NELL1: variants seen among roughly 807,000 people sequenced by gnomAD.
NELL1 encodes the protein neural EGFL like 1, also known as protein kinase C-binding protein NELL1.
Under a neutral mutation model 107.4 loss-of-function variants are expected in NELL1, and 76 were observed. The observed-to-expected ratio is 0.71, with a 90% CI of 0.59 to 0.86. The LOEUF (loss-of-function observed/expected upper bound fraction) is 0.86. NELL1 is among the 40% of genes least tolerant of loss of function. The pLI is 0.00. For synonymous variants in NELL1, 353 were observed against 341.2 expected (o/e 1.03, Z -0.38); for missense variants, 1,024 against 1,005.5 (o/e 1.02, Z -0.25).
intron 12 of NELL1, among the ~76,000 whole-genome samples, chr11:21,086,828 C>CTTTTTT (rs35537964): frequency 8.9e-5 from 10 of 112,948 alleles, no homozygotes; most frequent in African/African-American, 3.1e-4. Flanking sequence ...CTTAATGGAT[C>CTTTTTT]TTTTTTTTTT....
chr11:21,316,274 T>C (rs920043532), intron 14 of NELL1, among the ~76,000 whole-genome samples: 2 of 152,252 alleles, frequency 1.3e-5, no homozygotes, highest in East Asian at 3.9e-4. Flanking sequence ...TTATTTGACA[T>C]CACACCGTCA....
At chr11:21,291,162 C>T (rs1379888734) in intron 14 of NELL1, among the ~76,000 whole-genome samples, 1 of 152,100 alleles carries the variant, frequency 6.6e-6, no homozygotes, top group East Asian at 1.9e-4. Context: ...CCTGATGGAG[C>T]TGAAGAACAT....
chr11:21,475,442 A>G (rs1209596846), intron 15 of NELL1, among the ~76,000 whole-genome samples: 1 of 152,160 alleles, frequency 6.6e-6, no homozygotes, highest in African/African-American at 2.4e-5. Context: ...CACATAACTT[A>G]TAGTGCCCCC....
At position 21,575,043 on chromosome 11, in the gene NELL1, C is replaced by T. The variant is rs368471379; in HGVS notation, c.*21C>T. 4.2e-5 allele frequency: 67 copies of T among 1,594,680 alleles called. No individual in the cohort carries two copies. Among genetic ancestry groups the T allele is most frequent in the Admixed American group, 1.5e-4 (9 of 59,720 alleles). ...ATTGAAGTATTTACAGTGGACTCAA[C>T]GCAGAAGAATGGACGAAATGACCAT... On this transcript the variant is annotated 3_prime_UTR_variant, in exon 20 of 20. Coordinates refer to ENST00000357134, the MANE Select transcript of NELL1 (RefSeq NM_006157.5).
chr11:20,682,310 ATATTT>A (rs1385395671), intron 2 of NELL1, among the ~76,000 whole-genome samples: 1 of 152,070 alleles, frequency 6.6e-6, no homozygotes, highest in Non-Finnish European at 1.5e-5. Context: ...AAGTAATTAT[ATATTT>A]TATTTAACCC....
intron 11 of NELL1, among the ~76,000 whole-genome samples, chr11:20,947,969 G>A (rs1850998119): frequency 1.3e-5 from 2 of 151,988 alleles, no homozygotes; most frequent in Admixed American, 1.3e-4. Context: ...TAATTATTGG[G>A]CAGAAATGGT....
chr11:21,141,290 T>G (rs1855861265), intron 13 of NELL1, among the ~76,000 whole-genome samples: 1 of 152,238 alleles, frequency 6.6e-6, no homozygotes, highest in Non-Finnish European at 1.5e-5. Flanking sequence ...TTCAGTTAAT[T>G]GTTCCTTCAG....
intron 12 of NELL1, among the ~76,000 whole-genome samples, chr11:21,000,654 G>A (rs779067768): frequency 6.6e-6 from 1 of 152,172 alleles, no homozygotes; most frequent in Non-Finnish European, 1.5e-5. Context: ...ATTTGACCGG[G>A]ATTTATATAG....
intron 13 of NELL1, among the ~76,000 whole-genome samples, chr11:21,156,973 G>A (rs1321188969): frequency 1.3e-5 from 2 of 151,760 alleles, no homozygotes; most frequent in South Asian, 2.1e-4. Flanking sequence ...GTGGTGGCAG[G>A]CACCTGTAAT....
chr11:21,048,974 CTG>C (rs1422064216), intron 12 of NELL1, among the ~76,000 whole-genome samples: 3 of 152,064 alleles, frequency 2.0e-5, no homozygotes, highest in East Asian at 1.9e-4. Context: ...AGATCGATAT[CTG>C]TGAAAAAAAT....
chr11:20,898,051 C>A (rs1590393378), intron 5 of NELL1, among the ~76,000 whole-genome samples: 1 of 152,092 alleles, frequency 6.6e-6, no homozygotes, highest in East Asian at 1.9e-4. Context: ...ACCATTTGAC[C>A]CAGCCATCCC....
At chr11:21,189,522 A>G (rs565818064) in intron 13 of NELL1, among the ~76,000 whole-genome samples, 2 of 151,946 alleles carry the variant, frequency 1.3e-5, no homozygotes, top group Admixed American at 1.3e-4. Flanking sequence ...AAGGTTACCT[A>G]TACTTTAGAC....
chr11:20,747,224 T>C (rs930471747), intron 2 of NELL1, among the ~76,000 whole-genome samples: 5 of 152,240 alleles, frequency 3.3e-5, no homozygotes, highest in Non-Finnish European at 7.3e-5. Context: ...TATATCAATG[T>C]ATGGTTTTGC....
At chr11:21,241,687 G>A (rs147448633) in intron 14 of NELL1, among the ~76,000 whole-genome samples, 2 of 152,186 alleles carry the variant, frequency 1.3e-5, no homozygotes, top group Non-Finnish European at 2.9e-5. Flanking sequence ...CTGACCAGTA[G>A]AATGTGTGTG....
intron 3 of NELL1, among the ~76,000 whole-genome samples, chr11:20,833,382 A>G (rs1011977682): frequency 3.3e-5 from 5 of 152,200 alleles, no homozygotes; most frequent in African/African-American, 1.2e-4. Flanking sequence ...GTGAACTGCA[A>G]TGTCACAACC....
At chr11:21,186,556 G>C (rs1449565039) in intron 13 of NELL1, among the ~76,000 whole-genome samples, 2 of 151,820 alleles carry the variant, frequency 1.3e-5, no homozygotes, top group Admixed American at 6.5e-5. Context: ...TCCAAGGCTT[G>C]TTAAGCCTTT....
intron 14 of NELL1, among the ~76,000 whole-genome samples, chr11:21,310,256 A>C (rs1849722313): frequency 6.6e-6 from 1 of 152,090 alleles, no homozygotes; most frequent in Non-Finnish European, 1.5e-5. Flanking sequence ...TTTCTTTTAC[A>C]TCAATCCTAA....
At chr11:21,178,395 A>G (rs546698301) in intron 13 of NELL1, among the ~76,000 whole-genome samples, 5 of 152,000 alleles carry the variant, frequency 3.3e-5, no homozygotes, top group South Asian at 2.1e-4. Flanking sequence ...GTGCTGGATT[A>G]TCTTAAGGAC....
intron 15 of NELL1, among the ~76,000 whole-genome samples, chr11:21,406,598 C>T (rs963084752): frequency 2.0e-5 from 3 of 152,002 alleles, no homozygotes; most frequent in Non-Finnish European, 2.9e-5. Context: ...CATCTAACTT[C>T]AGAATTAGAC....
Sources: gnomAD v4.1 joint callset for allele counts (sites outside exome capture counted in the v4.1 genomes callset) on GRCh38, gnomAD v4.1.1 for gene constraint, MANE v1.5 for transcripts, NCBI Gene and HGNC (gene_info 2026-07-23, HGNC 2026-07-21) for gene names.